Variants in AAMDC observed in about 807,000 individuals in gnomAD.
AAMDC encodes mth938 domain-containing protein.
Under a neutral mutation model 15.5 loss-of-function variants are expected in AAMDC, and 16 were observed. The ratio of observed to expected loss-of-function variants is 1.03; its 90% CI spans 0.70 to 1.57. The LOEUF (loss-of-function observed/expected upper bound fraction) is 1.57, where lower values mean the gene tolerates loss of function less well. AAMDC is among the 40% of genes most tolerant of loss of function. AAMDC has a pLI of 0.00. For missense variants in AAMDC, 141 were observed against 144.9 expected, an observed-to-expected ratio of 0.97 and a Z score of 0.14; for synonymous variants, 51 against 51.6, an observed-to-expected ratio of 0.99 and a Z score of 0.05.
intron 2 of AAMDC, among the ~76,000 whole-genome samples, chr11:77,848,548 T>C (rs1156231282): frequency 1.3e-5 from 2 of 152,002 alleles, no homozygotes; most frequent in African/African-American, 4.8e-5. Flanking sequence ...TCAGTAGAGG[T>C]GGGGTTTCAC....
At chr11:77,833,177 TG>T in intron 1 of AAMDC, among the ~76,000 whole-genome samples, 7 of 151,648 alleles carry the variant, frequency 4.6e-5, no homozygotes, top group African/African-American at 1.5e-4. Flanking sequence ...ACCCAGCTAA[TG>T]TTTGCATTTT....
At chr11:77,828,713 A>C (rs190214475) in intron 1 of AAMDC, among the ~76,000 whole-genome samples, 2 of 152,200 alleles carry the variant, frequency 1.3e-5, no homozygotes, top group East Asian at 3.9e-4. Flanking sequence ...ACATTGTTCA[A>C]GGAAATTTTA....
chr11:77,855,842 G>A (rs1361288064), intron 2 of AAMDC, among the ~76,000 whole-genome samples: 1 of 149,686 alleles, frequency 6.7e-6, no homozygotes, highest in African/African-American at 2.5e-5. Flanking sequence ...GCTCATCCCT[G>A]TAATCCCAGC....
downstream of AAMDC, among the ~76,000 whole-genome samples, chr11:77,873,668 A>G (rs971676033): frequency 4.6e-5 from 7 of 152,222 alleles, no homozygotes; most frequent in Non-Finnish European, 1.0e-4. Context: ...TTAATATTAT[A>G]ATAGTTACTA....
At chr11:77,867,770 T>A (rs1951184608) in intron 2 of AAMDC, among the ~76,000 whole-genome samples, 1 of 152,188 alleles carries the variant, frequency 6.6e-6, no homozygotes, top group Non-Finnish European at 1.5e-5. Flanking sequence ...CCTTTAATGC[T>A]CAATTCATCT....
intron 2 of AAMDC, among the ~76,000 whole-genome samples, chr11:77,850,290 T>C (rs1226749576): frequency 6.6e-6 from 1 of 152,224 alleles, no homozygotes. Context: ...TTACCAGTCA[T>C]TAAAACAACT....
At chr11:77,867,544 G>A (rs1951173865) in intron 2 of AAMDC, among the ~76,000 whole-genome samples, 1 of 152,206 alleles carries the variant, frequency 6.6e-6, no homozygotes, top group South Asian at 2.1e-4. Flanking sequence ...ACTTGGCACA[G>A]AGTTAAGTTC....
At chr11:77,901,404 C>G (rs770389967), downstream of AAMDC, 9 of 1,613,678 alleles carry the variant, frequency 5.6e-6, no homozygotes, top group South Asian at 7.7e-5. Context: ...CATATTTTGG[C>G]CAACCCCACA....
intron 2 of AAMDC, among the ~76,000 whole-genome samples, chr11:77,848,788 C>T (rs1479185592): frequency 1.3e-5 from 2 of 151,774 alleles, no homozygotes; most frequent in African/African-American, 4.8e-5. Flanking sequence ...TTTCTTTCTA[C>T]TACATATTGT....
At chr11:77,876,402 C>CT (rs71272225), downstream of AAMDC, among the ~76,000 whole-genome samples, 23,472 of 144,862 alleles carry the variant, frequency 0.16, 1,896 homozygotes, top group Admixed American at 0.22. Flanking sequence ...ATAAAAAGGT[C>CT]TTTTTTTTTT....
chr11:77,847,907 C>T (rs1188565676), intron 2 of AAMDC, among the ~76,000 whole-genome samples: 2 of 151,988 alleles, frequency 1.3e-5, no homozygotes, highest in Non-Finnish European at 2.9e-5. Context: ...AATCCCAGTC[C>T]AAGAGCAGAA....
chr11:77,852,530 G>A (rs1950440339), intron 2 of AAMDC, among the ~76,000 whole-genome samples: 1 of 151,928 alleles, frequency 6.6e-6, no homozygotes, highest in Non-Finnish European at 1.5e-5. Context: ...CTCCCATCAG[G>A]TCCCTCCTCC....
rs184499932 is a variant in AAMDC at position 77,861,475 on chromosome 11, C to A, written c.133-8247C>A. Among the ~76,000 whole-genome samples, 367 of 152,264 alleles carry A rather than the reference C, an allele frequency of 2.4e-3. 9 individuals carry two copies. The highest frequency in any genetic ancestry group is 0.023 in the Admixed American group (355 of 15,290). On this transcript the variant is annotated intron_variant, in intron 2 of 3. Coordinates refer to ENST00000393427, the MANE Select transcript of AAMDC (RefSeq NM_024684.4). ...TCCTGGCCCTCAATGGTCAAGTATA[C>A]CCGGGGCTCTGTGAGGGTGATGGCA...
chr11:77,872,066 GT>G, intron 3 of AAMDC, 108 bp from the exon 4 acceptor site: 2 of 1,255,744 alleles, frequency 1.6e-6, no homozygotes, highest in Non-Finnish European at 2.2e-6. Flanking sequence ...TGATCGTGAA[GT>G]GACGATTGTC....
chr11:77,852,298 C>T (rs694893), intron 2 of AAMDC, among the ~76,000 whole-genome samples: 54,934 of 147,838 alleles, frequency 0.37, 10,532 homozygotes, highest in African/African-American at 0.42. Context: ...AATTAATGAT[C>T]ATTTTTAATG....
chr11:77,842,356 C>A, intron 1 of AAMDC, 123 bp from the exon 2 acceptor site: 1 of 930,638 alleles, frequency 1.1e-6, no homozygotes, highest in Non-Finnish European at 1.6e-6. Flanking sequence ...GAAGAAGTAA[C>A]AACCACGTAA....
At chr11:77,894,447 G>C in intron 5 of AAMDC, 1 of 633,908 alleles carries the variant, frequency 1.6e-6, no homozygotes, top group Middle Eastern at 2.6e-4. Context: ...AGGAAAATTA[G>C]CATATTATAC....
intron 5 of AAMDC, among the ~76,000 whole-genome samples, chr11:77,899,047 G>T (rs1187639341): frequency 6.6e-6 from 1 of 151,944 alleles, no homozygotes; most frequent in Non-Finnish European, 1.5e-5. Context: ...ATAAATAAAT[G>T]GTTTTGCATA....
At chr11:77,829,156 A>G (rs1243978797) in intron 1 of AAMDC, among the ~76,000 whole-genome samples, 1 of 151,988 alleles carries the variant, frequency 6.6e-6, no homozygotes, top group East Asian at 1.9e-4. Flanking sequence ...ATGTGATAGA[A>G]CTGGTAATTT....
Sources: gnomAD v4.1 joint callset for allele counts (sites outside exome capture counted in the v4.1 genomes callset) on GRCh38, gnomAD v4.1.1 for gene constraint, MANE v1.5 for transcripts, NCBI Gene and HGNC (gene_info 2026-07-23, HGNC 2026-07-21) for gene names.